Variants in ZC3H12C observed in about 807,000 individuals in gnomAD.
ZC3H12C encodes zinc finger CCCH-type containing 12C.
A neutral mutation model predicts 76.3 loss-of-function variants in ZC3H12C; 20 were observed. That is an observed-to-expected ratio of 0.26 (90% CI 0.18 to 0.38). The LOEUF is 0.38. Among genes scored for constraint, ZC3H12C ranks in the 10% least tolerant of loss-of-function variants. ZC3H12C has a pLI of 1.00. For synonymous variants in ZC3H12C, 352 were observed against 399.6 expected, an observed-to-expected ratio of 0.88 and a Z score of 1.42; for missense variants, 874 against 1,086.5, an observed-to-expected ratio of 0.80 and a Z score of 2.75.
intron 1 of ZC3H12C, among the ~76,000 whole-genome samples, chr11:110,095,401 TTTCA>T (rs1413047571): frequency 5.9e-5 from 9 of 152,384 alleles, no homozygotes; most frequent in African/African-American, 2.2e-4. Flanking sequence ...TCTTAGTGTG[TTTCA>T]TTGTTTTTGT....
chr11:110,164,572 G>A lies in ZC3H12C; in HGVS notation c.1487G>A (p.Arg496Lys), dbSNP rs1297963321. ...AAGAGGCAATCAGATCCAAGCATAAGGACACAAGTCTACCAAGACCTAGAA... is the reference window on the plus strand; with the variant it reads ...AAGAGGCAATCAGATCCAAGCATAAAGACACAAGTCTACCAAGACCTAGAA... The part of the protein sequence containing the change: ...APKRQSDPSI[R>K]TQVYQDLEEK... The change falls in exon 6 of 6, where the codon AGG (arginine) becomes AAG (lysine). Residue 496 changes from arginine to lysine, a missense_variant. Arg to Lys is a conservative substitution (Grantham distance 26). Transcript: ENST00000278590. The surrounding 1 kb of genome is among the most constrained non-coding windows in gnomAD (Gnocchi z 5.7). 1.9e-6 allele frequency: 3 copies of A among 1,613,968 alleles called. No individual in the cohort carries two copies. Among genetic ancestry groups the A allele is most frequent in the African/African-American group, 1.3e-5 (1 of 75,016 alleles).
intron 1 of ZC3H12C, among the ~76,000 whole-genome samples, chr11:110,103,892 C>T (rs554678080): frequency 5.3e-5 from 8 of 152,220 alleles, no homozygotes; most frequent in African/African-American, 1.9e-4. Context: ...CGTGAGCCAC[C>T]GCGCCTGGCA....
intron 1 of ZC3H12C, among the ~76,000 whole-genome samples, chr11:110,134,904 T>C (rs894868700): frequency 6.6e-6 from 1 of 152,224 alleles, no homozygotes; most frequent in Non-Finnish European, 1.5e-5. Flanking sequence ...TTCTCTTCTC[T>C]AGTATTTACC....
chr11:110,147,502 C>T (rs12285156), intron 2 of ZC3H12C, among the ~76,000 whole-genome samples: 4,949 of 151,292 alleles, frequency 0.033, 256 homozygotes, highest in African/African-American at 0.11. Flanking sequence ...CTAATGCTCG[C>T]GGGGCTTAAA....
chr11:110,104,480 T>C (rs1287245721), intron 1 of ZC3H12C, among the ~76,000 whole-genome samples: 1 of 152,180 alleles, frequency 6.6e-6, no homozygotes, highest in Non-Finnish European at 1.5e-5. Context: ...ACTTACGCTG[T>C]GGATTGTGAA....
At chr11:110,104,112 C>A (rs1356991048) in intron 1 of ZC3H12C, among the ~76,000 whole-genome samples, 2 of 151,736 alleles carry the variant, frequency 1.3e-5, no homozygotes, top group Admixed American at 1.3e-4. Context: ...TGGGTCACTG[C>A]AACATCTGCC....
intron 1 of ZC3H12C, among the ~76,000 whole-genome samples, chr11:110,115,952 G>T (rs1170516337): frequency 6.6e-6 from 1 of 151,672 alleles, no homozygotes; most frequent in Non-Finnish European, 1.5e-5. Flanking sequence ...TAGAGACAGG[G>T]TTTCACCATG....
rs565153480 is a variant in ZC3H12C, at chr11:110,105,042, G to C, written c.21+11610G>C. On this transcript the variant is annotated intron_variant, in intron 1 of 5. Transcript: ENST00000278590. ...AAGCTAAAATTAGTTTTTGTTCTTT[G>C]TTCTTAGTCATCTGTACTCATTTCC... Among the ~76,000 whole-genome samples, 31 of 152,126 alleles carry C rather than the reference G, an allele frequency of 2.0e-4. No homozygotes were observed. The South Asian group carries it at 3.7e-3, about 18-fold the overall frequency.
chr11:110,164,519 C>G lies in ZC3H12C; in HGVS notation c.1434C>G (p.Ser478Arg), dbSNP rs1426953022. The change falls in exon 6 of 6, where the codon AGC becomes AGG. Residue 478 changes from serine to arginine, a missense_variant. Coordinates refer to ENST00000278590, the MANE Select transcript of ZC3H12C (RefSeq NM_033390.2). This position sits in a 1 kb window ranked among gnomAD's most constrained non-coding sequence, Gnocchi z 5.7. The part of the protein sequence containing the change: ...NSVPCSTKAD[S>R]TSDVKRGAPK... ...TTCCTTGTAGCACCAAGGCTGATAGCACTTCTGATGTCAAACGAGGTGCTC... is the reference window on the plus strand; with the variant it reads ...TTCCTTGTAGCACCAAGGCTGATAGGACTTCTGATGTCAAACGAGGTGCTC... The G allele has an allele frequency of 6.2e-7, 1 of 1,613,946 alleles. No homozygotes were observed. Among genetic ancestry groups the G allele is most frequent in the Non-Finnish European group, 8.5e-7 (1 of 1,179,886 alleles).
intron 2 of ZC3H12C, among the ~76,000 whole-genome samples, chr11:110,150,276 C>T (rs1256198264): frequency 2.0e-5 from 3 of 152,060 alleles, no homozygotes; most frequent in African/African-American, 4.8e-5. Context: ...CTTTATTAAT[C>T]GAGTCTTACT....
intron 4 of ZC3H12C, among the ~76,000 whole-genome samples, chr11:110,161,240 C>T (rs1358232852): frequency 6.6e-6 from 1 of 152,186 alleles, no homozygotes; most frequent in African/African-American, 2.4e-5. Context: ...TTTGTACCAG[C>T]ATCAGCATGA....
chr11:110,138,974 A>C (rs1345696758), intron 2 of ZC3H12C, among the ~76,000 whole-genome samples: 2 of 152,184 alleles, frequency 1.3e-5, no homozygotes, highest in Non-Finnish European at 2.9e-5. Context: ...ATTGACTACT[A>C]TATTGGACAA....
intron 3 of ZC3H12C, among the ~76,000 whole-genome samples, chr11:110,153,300 G>A (rs528906202): frequency 6.6e-6 from 1 of 152,278 alleles, no homozygotes; most frequent in East Asian, 1.9e-4. Flanking sequence ...CACTTCTCGT[G>A]CCTCAGCCTG....
intron 2 of ZC3H12C, among the ~76,000 whole-genome samples, chr11:110,151,791 A>G (rs757920526): frequency 1.3e-5 from 2 of 152,170 alleles, no homozygotes; most frequent in South Asian, 2.1e-4. Flanking sequence ...TTAGGACAGG[A>G]CTATGGAACC....
In ZC3H12C at chr11:110,162,633, G is replaced by A. The variant is rs143118226; in HGVS notation, c.1149-640G>A. On this transcript the variant is annotated intron_variant, in intron 4 of 5. Transcript: ENST00000278590. ...TTTTTTTCTATCTCAACTGAGAAGC[G>A]CATTCAAATAGGGGAAGAGAATAGA... is the stretch of plus-strand genomic sequence containing the variant. Among the ~76,000 whole-genome samples the A allele has an allele frequency of 2.9e-3, 436 of 152,256 alleles. 3 individuals are homozygous for A. Among genetic ancestry groups the A allele is most frequent in the Middle Eastern group, 0.017 (5 of 294 alleles).
intron 1 of ZC3H12C, among the ~76,000 whole-genome samples, chr11:110,126,952 T>A (rs1861760483): frequency 6.6e-6 from 1 of 152,220 alleles, no homozygotes; most frequent in Non-Finnish European, 1.5e-5. Context: ...AGTTGAGATC[T>A]TTTTTCTTAC....
At chr11:110,143,844 C>T (rs1862113180) in intron 2 of ZC3H12C, among the ~76,000 whole-genome samples, 1 of 152,114 alleles carries the variant, frequency 6.6e-6, no homozygotes, top group Non-Finnish European at 1.5e-5. Context: ...CTTTATATTT[C>T]CATTCTAGCC....
intron 3 of ZC3H12C, among the ~76,000 whole-genome samples, chr11:110,158,511 G>GAAA (rs111478426): frequency 7.0e-6 from 1 of 143,692 alleles, no homozygotes; most frequent in South Asian, 2.2e-4. Context: ...CTCAGTCACA[G>GAAA]AAAAAAAAAA....
intron 1 of ZC3H12C, among the ~76,000 whole-genome samples, chr11:110,123,903 C>T (rs1157284168): frequency 6.6e-6 from 1 of 152,164 alleles, no homozygotes; most frequent in Non-Finnish European, 1.5e-5. Context: ...TTTAAGAGAA[C>T]AGCATAAAGA....
Sources: allele counts gnomAD v4.1 joint callset (sites outside exome capture counted in the v4.1 genomes callset), GRCh38; gene constraint gnomAD v4.1.1; non-coding constraint Gnocchi (gnomAD v3.1); transcripts MANE v1.5; gene names NCBI Gene and HGNC (gene_info 2026-07-23, HGNC 2026-07-21).